The following PRKCH variants were observed in gnomAD, a reference collection of about 807,000 sequenced individuals.
PRKCH encodes the protein protein kinase C eta, also known as protein kinase C eta type.
In PRKCH, 28 loss-of-function variants were observed where a neutral mutation model predicts 82.5. The observed-to-expected ratio is 0.34, with a 90% CI of 0.25 to 0.47. The LOEUF (loss-of-function observed/expected upper bound fraction) is 0.47. PRKCH is among the 20% of genes least tolerant of loss of function. The probability of loss-of-function intolerance (pLI) is 1.00; values close to 1 mark genes in which losing one functional copy is unlikely to be tolerated. For synonymous variants in PRKCH, 322 were observed against 327.4 expected (o/e 0.98, Z 0.18); for missense variants, 705 against 881.8 (o/e 0.80, Z 2.54).
chr14:61,294,365 C>T (rs1217179544), intron 1 of PRKCH, among the ~76,000 whole-genome samples: 1 of 152,104 alleles, frequency 6.6e-6, no homozygotes, highest in Non-Finnish European at 1.5e-5. Context: ...CGTGATCTGC[C>T]CGCCTCGGCC....
At chr14:61,318,278 T>C (rs2045579964), upstream of PRKCH, among the ~76,000 whole-genome samples, 1 of 152,096 alleles carries the variant, frequency 6.6e-6, no homozygotes, top group South Asian at 2.1e-4. Flanking sequence ...CTCACTTTGT[T>C]GCCCAGGCTG....
At chr14:61,391,979 C>T (rs924636947) in intron 2 of PRKCH, among the ~76,000 whole-genome samples, 2 of 152,112 alleles carry the variant, frequency 1.3e-5, no homozygotes, top group Non-Finnish European at 2.9e-5. Context: ...GTTTTACCTA[C>T]CCTAGAAGTT....
At chr14:61,273,209 C>G (rs911187139) in intron 1 of PRKCH, among the ~76,000 whole-genome samples, 3 of 152,112 alleles carry the variant, frequency 2.0e-5, no homozygotes, top group African/African-American at 7.2e-5. Flanking sequence ...AAATAAACCC[C>G]TGAACTTAAA....
At chr14:61,422,323 G>A (rs1266173444) in intron 2 of PRKCH, among the ~76,000 whole-genome samples, 6 of 152,220 alleles carry the variant, frequency 3.9e-5, no homozygotes, top group South Asian at 4.1e-4. Flanking sequence ...GGCCTCAAGC[G>A]ATCCTCCCCT....
intron 1 of PRKCH, chr14:61,299,966 T>A (rs1263352597): frequency 2.6e-5 from 4 of 152,246 alleles, no homozygotes; most frequent in Non-Finnish European, 5.9e-5. Context: ...TTTCATCAGT[T>A]TGAATACTGT....
At chr14:61,413,710 G>A (rs1882407425) in intron 2 of PRKCH, among the ~76,000 whole-genome samples, 1 of 151,544 alleles carries the variant, frequency 6.6e-6, no homozygotes, top group African/African-American at 2.4e-5. Context: ...AATCTCCTTG[G>A]GTACTTTCTA....
chr14:61,233,000 C>G (rs1187535881), intron 1 of PRKCH, among the ~76,000 whole-genome samples: 3 of 152,176 alleles, frequency 2.0e-5, no homozygotes, highest in Admixed American at 6.5e-5. Flanking sequence ...TTGTCCACCC[C>G]TACTCTTCAG....
At chr14:61,393,045 A>G (rs978471554) in intron 2 of PRKCH, among the ~76,000 whole-genome samples, 1 of 152,078 alleles carries the variant, frequency 6.6e-6, no homozygotes, top group African/African-American at 2.4e-5. Flanking sequence ...AAATCAATTG[A>G]CCATATAATG....
At chr14:61,264,308 G>A (rs2045076751) in intron 1 of PRKCH, among the ~76,000 whole-genome samples, 1 of 152,116 alleles carries the variant, frequency 6.6e-6, no homozygotes, top group African/African-American at 2.4e-5. Flanking sequence ...TCAAGCTTAG[G>A]GTATCTTGTT....
At chr14:61,239,090 C>G (rs2044813777) in intron 1 of PRKCH, among the ~76,000 whole-genome samples, 1 of 152,172 alleles carries the variant, frequency 6.6e-6, no homozygotes, top group Non-Finnish European at 1.5e-5. Flanking sequence ...TGGCTTTTAT[C>G]AAGTTCACCA....
At chr14:61,364,030 A>G (rs1003618299) in intron 1 of PRKCH, among the ~76,000 whole-genome samples, 152 of 146,938 alleles carry the variant, frequency 1.0e-3, no homozygotes, top group Non-Finnish European at 1.6e-3. Context: ...ATATTTGTAT[A>G]TATATAATAT....
intron 1 of PRKCH, among the ~76,000 whole-genome samples, chr14:61,379,325 G>A (rs973757057): frequency 2.6e-5 from 4 of 152,110 alleles, no homozygotes; most frequent in Non-Finnish European, 5.9e-5. Flanking sequence ...AGGAGTAAAG[G>A]TGTTATCATA....
intron 2 of PRKCH, among the ~76,000 whole-genome samples, chr14:61,440,798 T>C (rs922316291): frequency 5.9e-5 from 9 of 152,124 alleles, no homozygotes; most frequent in African/African-American, 2.2e-4. Flanking sequence ...AGCTTGAACC[T>C]GGGAGGTGGA....
At chr14:61,223,442 A>G (rs961247968) in intron 1 of PRKCH, among the ~76,000 whole-genome samples, 4 of 152,220 alleles carry the variant, frequency 2.6e-5, no homozygotes, top group Non-Finnish European at 5.9e-5. Context: ...CTTTGAGACC[A>G]TAGCTGAGAT....
In PRKCH at chr14:61,389,736, T is replaced by C. The variant is rs75608552; in HGVS notation, c.364-1489T>C. On this transcript the variant is annotated intron_variant, in intron 1 of 13. Coordinates refer to ENST00000332981, the MANE Select transcript of PRKCH (RefSeq NM_006255.5). ...AAAGAGAAAAAATGCTAAATAATGA[T>C]GCCATAGACTTTTCAGATTGGAAGA... Among the ~76,000 whole-genome samples the C allele has an allele frequency of 3.4e-3, 507 of 150,930 alleles. 3 individuals carry two copies. Among genetic ancestry groups the C allele is most frequent in the African/African-American group, 0.011 (472 of 41,166 alleles).
intron 1 of PRKCH, among the ~76,000 whole-genome samples, chr14:61,213,372 C>T (rs896565194): frequency 6.6e-6 from 1 of 152,134 alleles, no homozygotes; most frequent in African/African-American, 2.4e-5. Context: ...TCTATAAAAT[C>T]CCATCCATGC....
In PRKCH at chr14:61,505,407, T is replaced by TC. The variant is rs1566918670; in HGVS notation, c.1433+19751_1433+19752insC. Among the ~76,000 whole-genome samples the TC allele has an allele frequency of 1.6e-3, 205 of 126,316 alleles. 2 individuals are homozygous for TC. Among genetic ancestry groups the TC allele is most frequent in the African/African-American group, 5.7e-3 (186 of 32,830 alleles). 82.9% of individuals were successfully genotyped at this position (126,316 alleles called of 152,430 possible). A position where few individuals can be genotyped will look rare whatever the true frequency, so the allele number is the denominator to read the frequency against. ...TTTCTTTTCTTTTCTTTTTTTTTTT[T>TC]TTTTTTTTTTTTTTTTTGAGGTGGA... On this transcript the variant is annotated intron_variant, in intron 10 of 13. Coordinates refer to ENST00000332981, the MANE Select transcript of PRKCH (RefSeq NM_006255.5).
At chr14:61,482,943 G>A (rs977282833) in intron 9 of PRKCH, among the ~76,000 whole-genome samples, 5 of 152,214 alleles carry the variant, frequency 3.3e-5, no homozygotes, top group African/African-American at 9.6e-5. Context: ...GCCACTTATA[G>A]CAGCCTAAGG....
chr14:61,306,775 T>G (rs1456883274), intron 1 of PRKCH: 1 of 152,236 alleles, frequency 6.6e-6, no homozygotes, highest in Non-Finnish European at 1.5e-5. Context: ...ATTACTGTAT[T>G]AGGCCACTAC....
Sources: allele counts gnomAD v4.1 joint callset (sites outside exome capture counted in the v4.1 genomes callset), GRCh38; gene constraint gnomAD v4.1.1; transcripts MANE v1.5; gene names NCBI Gene and HGNC (gene_info 2026-07-23, HGNC 2026-07-21).